Variants in APP observed in about 807,000 individuals in gnomAD.
The protein encoded by APP is amyloid-beta precursor protein.
APP carries 31 observed loss-of-function variants against 101.4 expected under a neutral mutation model. That is an observed-to-expected ratio of 0.31 (90% CI 0.23 to 0.41). The LOEUF (loss-of-function observed/expected upper bound fraction) is 0.41. Among genes scored for constraint, APP ranks in the 10% least tolerant of loss-of-function variants. The pLI is 1.00. For missense variants in APP, 839 were observed against 1,003.7 expected (o/e 0.84, Z 2.22); for synonymous variants, 366 against 364.4 (o/e 1.00, Z -0.05).
At chr21:26,143,943 A>C (rs1482463411) in intron 1 of APP, among the ~76,000 whole-genome samples, 1 of 152,144 alleles carries the variant, frequency 6.6e-6, no homozygotes, top group Non-Finnish European at 1.5e-5. Flanking sequence ...TCACGCTGCT[A>C]ATGAAGACAT....
At chr21:25,964,087 A>T (rs1185333627) in intron 11 of APP, among the ~76,000 whole-genome samples, 1 of 152,226 alleles carries the variant, frequency 6.6e-6, no homozygotes, top group Non-Finnish European at 1.5e-5. Flanking sequence ...CACTTAGTTC[A>T]TAAGGCCAGA....
chr21:26,005,830 A>G (rs1190044789), intron 6 of APP, among the ~76,000 whole-genome samples: 5 of 152,226 alleles, frequency 3.3e-5, no homozygotes, highest in African/African-American at 1.2e-4. Context: ...GGAAATTTAT[A>G]AATCAGCCAC....
At chr21:25,968,318 A>G (rs1428169150) in intron 11 of APP, among the ~76,000 whole-genome samples, 5 of 150,250 alleles carry the variant, frequency 3.3e-5, no homozygotes, top group Non-Finnish European at 5.9e-5. Flanking sequence ...CTAATTAAAA[A>G]AATCTTTTTT....
Position 26,016,604 on chromosome 21 carries a change from C to T in APP, c.865+5236G>A, listed in dbSNP as rs2044074282. ...ATTCTTTTTTTGAGACGAAGTTTCG[C>T]TCTGTTGCCCAGGCTGGAGTGCAGT... is the stretch of plus-strand genomic sequence containing the variant. On this transcript the variant is annotated intron_variant, in intron 6 of 17. Coordinates refer to ENST00000346798, the MANE Select transcript of APP (RefSeq NM_000484.4). Among the ~76,000 whole-genome samples the T allele has an allele frequency of 2.0e-5, 3 of 152,076 alleles. No homozygotes were observed. The South Asian group carries it at 6.2e-4, about 31-fold the overall frequency.
intron 13 of APP, among the ~76,000 whole-genome samples, chr21:25,951,932 C>T (rs1461914491): frequency 6.6e-6 from 1 of 152,100 alleles, no homozygotes; most frequent in Admixed American, 6.6e-5. Flanking sequence ...AGGTTCAACC[C>T]AGAAAAGCTA....
chr21:25,924,426 AAGG>A (rs2039786457), intron 13 of APP, among the ~76,000 whole-genome samples: 1 of 108,526 alleles, frequency 9.2e-6, no homozygotes, highest in Admixed American at 8.8e-5. Flanking sequence ...AAAAAAAAAA[AAGG>A]AAAAAAAAAA....
chr21:26,060,031 C>T (rs960519294), intron 3 of APP, among the ~76,000 whole-genome samples: 2 of 151,686 alleles, frequency 1.3e-5, no homozygotes, highest in African/African-American at 2.4e-5. Context: ...TCAACTAGTG[C>T]CCAGAACAAA....
At chr21:26,140,061 G>A (rs1214396193) in intron 1 of APP, 1 of 1,002,446 alleles carries the variant, frequency 1.0e-6, no homozygotes, top group South Asian at 1.4e-5. Context: ...AAGTAACATT[G>A]TACTTTTGAA....
intron 2 of APP, among the ~76,000 whole-genome samples, chr21:26,090,504 T>C (rs1341141337): frequency 8.5e-6 from 1 of 117,552 alleles, no homozygotes; most frequent in African/African-American, 3.4e-5. Context: ...GCTATTCCAT[T>C]CAAAATATTA....
At chr21:26,013,200 C>A (rs1175651145) in intron 6 of APP, among the ~76,000 whole-genome samples, 2 of 152,006 alleles carry the variant, frequency 1.3e-5, no homozygotes, top group African/African-American at 2.4e-5. Context: ...GCCTGTAATC[C>A]CAGCTACTCA....
At chr21:26,082,464 T>C (rs2061617529) in intron 3 of APP, among the ~76,000 whole-genome samples, 3 of 152,288 alleles carry the variant, frequency 2.0e-5, no homozygotes, top group Admixed American at 6.5e-5. Context: ...TTCATTACCA[T>C]CTTGAAAACA....
chr21:26,170,525 C>G, intron 1 of APP, 39 bp downstream of exon 1: 1 of 1,533,790 alleles, frequency 6.5e-7, no homozygotes, highest in Non-Finnish European at 8.7e-7. Flanking sequence ...GCGTCCCCAC[C>G]GTGCAGCCTC....
chr21:26,085,724 G>A (rs1170066950), intron 3 of APP, among the ~76,000 whole-genome samples: 1 of 152,098 alleles, frequency 6.6e-6, no homozygotes, highest in Non-Finnish European at 1.5e-5. Context: ...TCCTTTCCAT[G>A]CTAAAGAAGA....
At chr21:25,989,580 A>G (rs2042777226) in intron 8 of APP, among the ~76,000 whole-genome samples, 1 of 152,238 alleles carries the variant, frequency 6.6e-6, no homozygotes, top group African/African-American at 2.4e-5. Flanking sequence ...AAGGCTTATG[A>G]ATGGCATTCA....
intron 3 of APP, among the ~76,000 whole-genome samples, chr21:26,079,843 G>T (rs912083459): frequency 6.6e-6 from 1 of 152,130 alleles, no homozygotes; most frequent in African/African-American, 2.4e-5. Context: ...GCCTATCTAG[G>T]CCGGGAATGG....
chr21:25,945,233 A>G (rs1341450622), intron 13 of APP, among the ~76,000 whole-genome samples: 1 of 152,232 alleles, frequency 6.6e-6, no homozygotes, highest in Non-Finnish European at 1.5e-5. Context: ...TGCTACTTCT[A>G]AAATACTAAC....
intron 5 of APP, among the ~76,000 whole-genome samples, chr21:26,036,769 G>T (rs969372405): frequency 3.3e-5 from 5 of 152,206 alleles, no homozygotes; most frequent in Non-Finnish European, 1.5e-5. Context: ...TTTGAGGATA[G>T]TATGGAGATT....
At chr21:25,949,340 A>G (rs2040964508) in intron 13 of APP, among the ~76,000 whole-genome samples, 1 of 152,198 alleles carries the variant, frequency 6.6e-6, no homozygotes, top group African/African-American at 2.4e-5. Flanking sequence ...AAGAAGGACC[A>G]TGTTGTAAAA....
chr21:25,962,002 G>C (rs569672677), intron 11 of APP, among the ~76,000 whole-genome samples: 1 of 152,044 alleles, frequency 6.6e-6, no homozygotes, highest in South Asian at 2.1e-4. Context: ...TAATACTACA[G>C]TCTGGTTATA....
Sources: allele counts gnomAD v4.1 joint callset (sites outside exome capture counted in the v4.1 genomes callset), GRCh38; gene constraint gnomAD v4.1.1; transcripts MANE v1.5; gene names NCBI Gene and HGNC (gene_info 2026-07-23, HGNC 2026-07-21).